Variants in SERPINB12 observed in about 807,000 individuals in gnomAD.
SERPINB12 encodes the protein serpin family B member 12, also known as serpin B12.
SERPINB12 carries 57 observed loss-of-function variants against 41.1 expected under a neutral mutation model. That is an observed-to-expected ratio of 1.39 (90% confidence interval 1.12 to 1.73). The LOEUF (loss-of-function observed/expected upper bound fraction) is 1.73, where lower values mean the gene tolerates loss of function less well. Among genes scored for constraint, SERPINB12 ranks in the 40% most tolerant of loss-of-function variants. The pLI is 0.00. For missense variants in SERPINB12, 536 were observed against 501.9 expected, an observed-to-expected ratio of 1.07 and a Z score of -0.65; for synonymous variants, 180 against 181.3, an observed-to-expected ratio of 0.99 and a Z score of 0.06.
At chr18:63,565,208 T>G (rs1911052705) in intron 6 of SERPINB12, among the ~76,000 whole-genome samples, 1 of 151,916 alleles carries the variant, frequency 6.6e-6, no homozygotes, top group Admixed American at 6.6e-5. Context: ...AGCAAACACC[T>G]GGCCCCCATC....
chr18:63,567,610 T>G lies in SERPINB12; in HGVS notation c.*599T>G, dbSNP rs1439491965. ...GCGTATTTAAGTGATAGCTCAAAGA[T>G]GTGTGACTGCCCCAACCAGCACTCA... On this transcript the variant is annotated 3_prime_UTR_variant, in exon 8 of 8. Transcript: ENST00000382768. 2.6e-5 allele frequency among the ~76,000 whole-genome samples: 4 copies of G among 152,186 alleles called. No homozygotes were observed. Among genetic ancestry groups the G allele is most frequent in the Admixed American group, 1.3e-4 (2 of 15,288 alleles).
At chr18:63,520,376 G>C in the SERPINB12 span, among the ~76,000 whole-genome samples, 2 of 152,226 alleles carry the variant, frequency 1.3e-5, no homozygotes, top group African/African-American at 4.8e-5. Flanking sequence ...GGAAAAGCAA[G>C]AACAGTGAAA....
At chr18:63,556,117 C>T in intron 1 of SERPINB12, 25 bp from the exon 2 acceptor site, 1 of 1,541,048 alleles carries the variant, frequency 6.5e-7, no homozygotes, top group Non-Finnish European at 8.9e-7. Flanking sequence ...ACCATTTTCT[C>T]TTTCTCCTTT....
the SERPINB12 span, among the ~76,000 whole-genome samples, chr18:63,525,372 G>T: frequency 3.3e-5 from 5 of 152,188 alleles, no homozygotes; most frequent in South Asian, 2.1e-4. Flanking sequence ...AACCTTAGAA[G>T]TGAGCAGTTT....
At chr18:63,562,263 C>T (rs1346474965) in intron 5 of SERPINB12, among the ~76,000 whole-genome samples, 1 of 152,176 alleles carries the variant, frequency 6.6e-6, no homozygotes, top group African/African-American at 2.4e-5. Flanking sequence ...AAGTTAGTGA[C>T]CTGAAGGGTC....
upstream of SERPINB12, among the ~76,000 whole-genome samples, chr18:63,539,140 A>G (rs909347533): frequency 2.6e-5 from 4 of 152,026 alleles, no homozygotes; most frequent in African/African-American, 9.7e-5. Context: ...CCTCTCTCCA[A>G]CACTGTTTTC....
At chr18:63,556,113 T>A in intron 1 of SERPINB12, 29 bp from the exon 2 acceptor site, 2 of 1,521,844 alleles carry the variant, frequency 1.3e-6, no homozygotes, top group Non-Finnish European at 9.0e-7. Flanking sequence ...AATCACCATT[T>A]TCTCTTTCTC....
intron 5 of SERPINB12, among the ~76,000 whole-genome samples, chr18:63,563,015 A>G (rs1431229262): frequency 6.6e-6 from 1 of 152,072 alleles, no homozygotes; most frequent in African/African-American, 2.4e-5. Context: ...CTGAGCCCAA[A>G]GGTGGAAGGC....
chr18:63,564,991 G>T (rs1171236602), intron 6 of SERPINB12, among the ~76,000 whole-genome samples: 1 of 152,180 alleles, frequency 6.6e-6, no homozygotes, highest in Non-Finnish European at 1.5e-5. Context: ...TTTGAGACTA[G>T]CCTGGGCAAC....
chr18:63,535,407 T>C, the SERPINB12 span, among the ~76,000 whole-genome samples: 2 of 152,158 alleles, frequency 1.3e-5, no homozygotes, highest in East Asian at 3.9e-4. Flanking sequence ...GCTCAGGCAT[T>C]GTGCTTGCCA....
chr18:63,524,217 A>G, the SERPINB12 span, among the ~76,000 whole-genome samples: 1 of 152,224 alleles, frequency 6.6e-6, no homozygotes, highest in Non-Finnish European at 1.5e-5. Flanking sequence ...TAGTATATTA[A>G]TGCTCGATTT....
At chr18:63,545,061 A>C (rs1910353958) in intron 1 of SERPINB12, among the ~76,000 whole-genome samples, 1 of 152,126 alleles carries the variant, frequency 6.6e-6, no homozygotes, top group Admixed American at 6.6e-5. Flanking sequence ...GGCCTCCTTA[A>C]ATTTTTAATT....
chr18:63,536,651 G>A, the SERPINB12 span, among the ~76,000 whole-genome samples: 22 of 152,054 alleles, frequency 1.4e-4, no homozygotes, highest in African/African-American at 5.3e-4. Flanking sequence ...CACCCAATGA[G>A]GATTGGTTAG....
intron 1 of SERPINB12, among the ~76,000 whole-genome samples, chr18:63,549,237 G>A (rs1910462680): frequency 6.6e-6 from 1 of 151,998 alleles, no homozygotes; most frequent in Non-Finnish European, 1.5e-5. Flanking sequence ...AAAAATAAAG[G>A]CGATTTATTT....
chr18:63,538,821 G>T (rs1012318110), upstream of SERPINB12, among the ~76,000 whole-genome samples: 2 of 152,088 alleles, frequency 1.3e-5, no homozygotes, highest in African/African-American at 4.8e-5. Context: ...TATATATGAT[G>T]GTTCCAATTT....
intron 5 of SERPINB12, 32 bp downstream of exon 5, chr18:63,561,234 T>A: frequency 1.5e-6 from 2 of 1,357,998 alleles, no homozygotes; most frequent in Non-Finnish European, 2.1e-6. Context: ...GGAGCTGGTA[T>A]TGGTTTCCAT....
chr18:63,552,317 G>A (rs73961719), intron 1 of SERPINB12, among the ~76,000 whole-genome samples: 11,909 of 152,110 alleles, frequency 0.078, 988 homozygotes, highest in East Asian at 0.29. Flanking sequence ...GGAAAATTAG[G>A]CTGGTTTCAA....
At chr18:63,520,633 A>T in the SERPINB12 span, among the ~76,000 whole-genome samples, 1 of 152,204 alleles carries the variant, frequency 6.6e-6, no homozygotes, top group Non-Finnish European at 1.5e-5. Flanking sequence ...AATAAAAGTA[A>T]TGAAGGCATA....
Position 63,567,346 on chromosome 18 carries a change from A to C in SERPINB12, c.*335A>C, listed in dbSNP as rs1044861413. Among the ~76,000 whole-genome samples the C allele has an allele frequency of 1.3e-5, 2 of 152,212 alleles. No homozygotes were observed. Among genetic ancestry groups the C allele is most frequent in the African/African-American group, 4.8e-5 (2 of 41,464 alleles). ...CATTAGACCATTTCTAAGAGATGGC[A>C]AACTCAGAAGCCACTTTAACATGGG... On this transcript the variant is annotated 3_prime_UTR_variant, in exon 8 of 8. Transcript: ENST00000382768.
Sources: allele counts gnomAD v4.1 joint callset (sites outside exome capture counted in the v4.1 genomes callset), GRCh38; gene constraint gnomAD v4.1.1; transcripts MANE v1.5; gene names NCBI Gene and HGNC (gene_info 2026-07-23, HGNC 2026-07-21).